Variants in APOB observed in about 807,000 individuals in gnomAD.
The protein encoded by APOB is apolipoprotein B, also known as apolipoprotein B-100.
A neutral mutation model predicts 314.1 loss-of-function variants in APOB; 153 were observed. The observed-to-expected ratio is 0.49, with a 90% CI of 0.43 to 0.56. APOB has a LOEUF of 0.56. Ranked by LOEUF, APOB falls within the 20% of genes least tolerant of loss-of-function variation. The pLI, the probability that APOB is intolerant of heterozygous loss-of-function variation, is 0.00. For missense variants in APOB, 5,430 were observed against 5,350.7 expected (o/e 1.01, Z -0.46); for synonymous variants, 2,087 against 2,036.4 (o/e 1.02, Z -0.67).
rs766654909 is a variant in APOB, at chr2:21,006,150, A to G, written c.10718T>C (p.Leu3573Pro). 4 of 1,614,002 alleles carry G rather than the reference A, an allele frequency of 2.5e-6. No homozygotes were observed. Among genetic ancestry groups the G allele is most frequent in the Non-Finnish European group, 3.4e-6 (4 of 1,179,948 alleles). Residue 3573 changes from leucine (L) to proline (P), a missense_variant, in exon 26 of 29, where the codon CTA (leucine) becomes CCA (proline). By Grantham distance (98) the Leu-to-Pro change is moderately conservative. Transcript: ENST00000233242. ...WEHSTKNHLQ[L>P]EGLFFTNGEH... ...TCCGTTGGTGAAAAAGAGGCCCTCT[A>G]GCTGTAAGTGGTTTTTCGTACTGTG...
At chr2:21,029,827 A>AGAGGGAAGTAAAAGGTGTC in intron 11 of APOB, 42 bp from the exon 12 acceptor site, 1 of 1,613,352 alleles carries the variant, frequency 6.2e-7, no homozygotes, top group Non-Finnish European at 8.5e-7. Context: ...AGGGTGCAGG[A>AGAGGGAAGTAAAAGGTGTC]GAGGGAAGTA....
At chr2:21,019,593 C>G (rs546786010) in intron 19 of APOB, 130 bp downstream of exon 19, 2 of 1,025,230 alleles carry the variant, frequency 2.0e-6, no homozygotes, top group African/African-American at 3.2e-5. Flanking sequence ...TTTAAATACC[C>G]AAAGATGGTG....
At chr2:21,004,769 A>G (rs1558560248) in intron 26 of APOB, 94 bp from the exon 27 acceptor site, 29 of 974,982 alleles carry the variant, frequency 3.0e-5, no homozygotes, top group Non-Finnish European at 2.3e-5. Flanking sequence ...TCCTAACCAG[A>G]TATTTCACTT....
Position 21,013,340 on chromosome 2 carries a change from A to G in APOB, c.4036T>C (p.Tyr1346His). 1.2e-6 allele frequency: 2 copies of G among 1,614,184 alleles called. No individual in the cohort carries two copies. Among genetic ancestry groups the G allele is most frequent in the Non-Finnish European group, 1.7e-6 (2 of 1,180,032 alleles). Residue 1346 changes from tyrosine to histidine, a missense_variant, in exon 25 of 29, where the codon TAT (tyrosine) becomes CAT (histidine). By Grantham distance (83) the Tyr-to-His change is moderately conservative. This residue lies in a region of APOB where 2,085 missense variants were observed against 2,079.7 expected (regional missense o/e 1.00). Transcript: ENST00000233242. The stretch of plus-strand genomic sequence containing the variant: ...CCCAGGAGAGGCACTTGCAGTTGAT[A>G]CAACTTGGGAATGGTAAAAGTAGGG... The part of the protein sequence containing the change: ...QVPTFTIPKL[Y>H]QLQVPLLGVL...
At position 21,015,379 on chromosome 2, in the gene APOB, A is replaced by T; in HGVS notation, c.3499T>A (p.Trp1167Arg). Reference protein sequence around the residue: ...YGSTVSKRVAWHYDEEKIEFE... With the variant: ...YGSTVSKRVARHYDEEKIEFE... ...GGGAAGAGACACATACCATAATGCC[A>T]TGCCACCCTCTTGGAAACTGTGGAG... The change falls in exon 22 of 29, where the codon TGG becomes AGG. Residue 1167 changes from tryptophan (W) to arginine (R), a missense_variant. Around this residue, in one of 3 missense-constraint regions of APOB, gnomAD observed 2,085 missense variants for 2,079.7 expected, o/e 1.00. Coordinates refer to ENST00000233242, the MANE Select transcript of APOB (RefSeq NM_000384.3). 1 of 1,614,216 alleles carries T rather than the reference A, an allele frequency of 6.2e-7. No individual in the cohort carries two copies. Among genetic ancestry groups the T allele is most frequent in the Non-Finnish European group, 8.5e-7 (1 of 1,180,034 alleles).
In APOB at chr2:21,032,457, G is replaced by C. The variant is rs1558574043; in HGVS notation, c.1249C>G (p.Leu417Val). The C allele has an allele frequency of 3.1e-6, 5 of 1,614,044 alleles. No individual in the cohort carries two copies. The highest frequency in any genetic ancestry group is 4.2e-6 in the Non-Finnish European group (5 of 1,180,032). Residue 417 changes from leucine (L) to valine (V), a missense_variant, in exon 10 of 29, where the codon CTG becomes GTG. By Grantham distance (32) the Leu-to-Val change is conservative (BLOSUM62 1). This residue lies in a region of APOB where 2,085 missense variants were observed against 2,079.7 expected (regional missense o/e 1.00). Transcript: ENST00000233242. ...LIDVVTYLVA[L>V]IPEPSAQQLR... Reference sequence around the variant, plus strand: ...TGCTGTGCTGAGGGCTCGGGGATCAGGGCCACCAGGTAGGTGACCACATCT... The same window carrying C: ...TGCTGTGCTGAGGGCTCGGGGATCACGGCCACCAGGTAGGTGACCACATCT...
rs756739092 is a variant in APOB at position 21,012,597 on chromosome 2, C to T, written c.4271G>A (p.Gly1424Glu). ...HKNTFTLSCD[G>E]SLRHKFLDSN... Reference sequence around the variant, plus strand: ...ATCTAGAAATTTGTGGCGTAGAGACCCATCACATGATAGTGTGAACGTATT... The same window carrying T: ...ATCTAGAAATTTGTGGCGTAGAGACTCATCACATGATAGTGTGAACGTATT... The change falls in exon 26 of 29, where the codon GGG (glycine) becomes GAG (glutamate). Residue 1424 changes from glycine to glutamate, a missense_variant. Coordinates refer to ENST00000233242, the MANE Select transcript of APOB (RefSeq NM_000384.3). 3.1e-6 allele frequency: 5 copies of T among 1,613,096 alleles called. No individual in the cohort carries two copies. The African/African-American group carries it at 5.3e-5, about 17-fold the overall frequency.
rs779618903 is a variant in APOB at position 21,003,035 on chromosome 2, C to A, written c.12387G>T (p.Arg4129Ser). The part of the protein sequence containing the change: ...AIRQIDDIDV[R>S]FQKAASGTTG... ...TGGTGCCACTGGCTGCTTTCTGGAA[C>A]CTCACGTCGATATCATCAATTTGCC... Residue 4129 changes from arginine (R) to serine (S), a missense_variant, in exon 29 of 29, where the codon AGG (arginine) becomes AGT (serine). Around this residue, in one of 3 missense-constraint regions of APOB, gnomAD observed 3,281 missense variants for 3,171.0 expected, o/e 1.03. Transcript: ENST00000233242. 11 of 1,567,058 alleles carry A rather than the reference C, an allele frequency of 7.0e-6. No individual in the cohort carries two copies. The highest frequency in any genetic ancestry group is 9.5e-6 in the Non-Finnish European group (11 of 1,156,902).
At position 21,011,916 on chromosome 2, in the gene APOB, C is replaced by T. The variant is rs781599632; in HGVS notation, c.4952G>A (p.Gly1651Glu). 2 of 1,613,852 alleles carry T rather than the reference C, an allele frequency of 1.2e-6. No individual in the cohort carries two copies. The highest frequency in any genetic ancestry group is 4.5e-5 in the East Asian group (2 of 44,898). Residue 1651 changes from glycine (G) to glutamate (E), a missense_variant, in exon 26 of 29, where the codon GGA becomes GAA. Transcript: ENST00000233242. ...HKATLRIGQD[G>E]ISTSATTNLK... is the part of the protein sequence containing the mutation. ...GTTGGTCGTTGCACTGGTAGATATT[C>T]CATCTTGGCCAATCCTTAGTGTCGC...
intron 2 of APOB, among the ~76,000 whole-genome samples, chr2:21,043,224 A>G (rs1316274856): frequency 1.3e-5 from 2 of 152,048 alleles, no homozygotes; most frequent in Non-Finnish European, 2.9e-5. Flanking sequence ...AGTCACTGAT[A>G]AACAGGACAG....
In APOB at chr2:21,019,050, C is replaced by G; in HGVS notation, c.3063G>C (p.Glu1021Asp). 6.2e-7 allele frequency: 1 copy of G among 1,614,020 alleles called. No individual in the cohort carries two copies. Among genetic ancestry groups the G allele is most frequent in the Non-Finnish European group, 8.5e-7 (1 of 1,180,024 alleles). Residue 1021 changes from glutamate to aspartate, a missense_variant, in exon 20 of 29, where the codon GAG becomes GAC. Transcript: ENST00000233242. ...IEQYSVSATY[E>D]LQREDRALVD... ...CCAAGGCTCTGTCCTCTCTCTGGAG[C>G]TCATAGGTTGCGCTGACAGAATACT...
chr2:21,037,568 G>A (rs971323141), intron 5 of APOB, among the ~76,000 whole-genome samples: 6 of 152,176 alleles, frequency 3.9e-5, no homozygotes, highest in Non-Finnish European at 7.3e-5. Flanking sequence ...AATGAATTCT[G>A]TCTCACAGTG....
chr2:21,037,303 C>T, intron 5 of APOB, 48 bp from the exon 6 acceptor site: 4 of 1,593,184 alleles, frequency 2.5e-6, no homozygotes, highest in Non-Finnish European at 3.4e-6. Flanking sequence ...CGGGCAACAT[C>T]CTTGGGTACT....
chr2:21,007,300 A>C lies in APOB; in HGVS notation c.9568T>G (p.Leu3190Val). 6.2e-7 allele frequency: 1 copy of C among 1,613,908 alleles called. No individual in the cohort carries two copies. The highest frequency in any genetic ancestry group is 8.5e-7 in the Non-Finnish European group (1 of 1,179,924). Residue 3190 changes from leucine to valine, a missense_variant, in exon 26 of 29, where the codon TTG (leucine) becomes GTG (valine). Leu to Val is a conservative substitution (Grantham distance 32). This residue lies in a region of APOB where 3,281 missense variants were observed against 3,171.0 expected (regional missense o/e 1.03). Coordinates refer to ENST00000233242, the MANE Select transcript of APOB (RefSeq NM_000384.3). ...NKHRHSITNP[L>V]AVLCEFISQS... The stretch of plus-strand genomic sequence containing the variant: ...CTGATAAACTCACAAAGCACAGCCA[A>C]AGGATTTGTGATGGAATGCCTGTGT...
At chr2:21,041,652 G>A (rs1160693770) in intron 3 of APOB, among the ~76,000 whole-genome samples, 1 of 152,218 alleles carries the variant, frequency 6.6e-6, no homozygotes, top group East Asian at 1.9e-4. Context: ...AGTAGCCAGG[G>A]TGGCTGTTGA....
chr2:21,039,355 C>T (rs1183923597), intron 4 of APOB, among the ~76,000 whole-genome samples: 1 of 152,212 alleles, frequency 6.6e-6, no homozygotes, highest in Non-Finnish European at 1.5e-5. Context: ...AGCTTATTTT[C>T]ATACACTTGT....
At chr2:21,017,961 A>AT (rs975606418) in intron 20 of APOB, among the ~76,000 whole-genome samples, 3 of 151,858 alleles carry the variant, frequency 2.0e-5, no homozygotes, top group East Asian at 1.9e-4. Flanking sequence ...TCCCTATATA[A>AT]TTTTTTTTCC....
rs72654404 is a variant in APOB, at chr2:21,007,001, G to A, written c.9867C>T (p.Asp3289=). 8.1e-6 allele frequency: 13 copies of A among 1,613,870 alleles called. No individual in the cohort carries two copies. Among genetic ancestry groups the A allele is most frequent in the Admixed American group, 3.3e-5 (2 of 59,968 alleles). The part of the protein sequence containing the change: ...SMPSFSILGS[D]VRVPSYTLIL... ...TTAATGTGTATGAAGGCACACGGACGTCAGAACCTAGGATGGAGAAACTAG... is the reference window on the plus strand; with the variant it reads ...TTAATGTGTATGAAGGCACACGGACATCAGAACCTAGGATGGAGAAACTAG... Residue 3289 remains aspartate, a synonymous_variant, in exon 26 of 29, where the codon GAC becomes GAT. Transcript: ENST00000233242.
intron 9 of APOB, among the ~76,000 whole-genome samples, 157 bp from the exon 10 acceptor site, chr2:21,032,738 T>C (rs1437418207): frequency 1.3e-5 from 2 of 152,120 alleles, no homozygotes; most frequent in Non-Finnish European, 2.9e-5. Context: ...CCATGATGCT[T>C]TCCTTAGGAA....
Sources: allele counts gnomAD v4.1 joint callset (sites outside exome capture counted in the v4.1 genomes callset), GRCh38; gene constraint gnomAD v4.1.1; regional missense constraint gnomAD v4.1.1; transcripts MANE v1.5; gene names NCBI Gene and HGNC (gene_info 2026-07-23, HGNC 2026-07-21).